Variants in COL25A1 observed in about 807,000 individuals in gnomAD.
The protein encoded by COL25A1 is collagen type XXV alpha 1 chain.
Under a neutral mutation model 128.4 loss-of-function variants are expected in COL25A1, and 103 were observed. The observed-to-expected ratio is 0.80, with a 90% CI of 0.68 to 0.94. The LOEUF is 0.94. COL25A1 is among the 40% of genes least tolerant of loss of function. COL25A1 has a pLI of 0.00. For synonymous variants in COL25A1, 279 were observed against 277.2 expected (o/e 1.01, Z -0.06); for missense variants, 745 against 840.0 (o/e 0.89, Z 1.40).
At chr4:109,023,897 G>A (rs12510004) in intron 5 of COL25A1, among the ~76,000 whole-genome samples, 76,187 of 152,076 alleles carry the variant, frequency 0.5, 21,795 homozygotes, top group African/African-American at 0.77. Flanking sequence ...CCTCTCAGAA[G>A]AGAGAGATTG....
chr4:109,163,392 C>T (rs1350922840), intron 3 of COL25A1, among the ~76,000 whole-genome samples: 1 of 152,136 alleles, frequency 6.6e-6, no homozygotes, highest in Non-Finnish European at 1.5e-5. Flanking sequence ...TTGCTGCAGC[C>T]ATGTAAAAAC....
At chr4:109,011,449 C>A (rs549976197) in intron 5 of COL25A1, among the ~76,000 whole-genome samples, 1 of 152,264 alleles carries the variant, frequency 6.6e-6, no homozygotes, top group Admixed American at 6.5e-5. Flanking sequence ...GGAAGGGGAG[C>A]CAAACCAAGT....
chr4:108,939,550 G>A (rs1747827963), intron 10 of COL25A1, among the ~76,000 whole-genome samples: 1 of 152,038 alleles, frequency 6.6e-6, no homozygotes, highest in Admixed American at 6.6e-5. Flanking sequence ...AAACATTAAT[G>A]AGTATTGTAA....
chr4:108,889,796 TCA>T, intron 16 of COL25A1, 63 bp from the exon 17 acceptor site: 1 of 1,449,916 alleles, frequency 6.9e-7, no homozygotes, highest in Non-Finnish European at 9.7e-7. Flanking sequence ...TCACAAGCAC[TCA>T]GAGAGCCATC....
chr4:108,829,268 C>T (rs1732767213), intron 32 of COL25A1, among the ~76,000 whole-genome samples: 1 of 152,016 alleles, frequency 6.6e-6, no homozygotes, highest in Non-Finnish European at 1.5e-5. Flanking sequence ...TTTAGGAGTT[C>T]AAGGCAGGAG....
chr4:109,212,949 T>C (rs1055530289), intron 3 of COL25A1, among the ~76,000 whole-genome samples: 8 of 152,092 alleles, frequency 5.3e-5, no homozygotes, highest in African/African-American at 1.4e-4. Flanking sequence ...ACCACATATA[T>C]AGGAGAAATA....
In COL25A1 at chr4:108,827,167, C is replaced by T; in HGVS notation, c.1732G>A (p.Glu578Lys). 6.2e-7 allele frequency: 1 copy of T among 1,613,940 alleles called. No individual in the cohort carries two copies. The highest frequency in any genetic ancestry group is 8.5e-7 in the Non-Finnish European group (1 of 1,179,932). ...CCATAGGGCCCTCTTGGTCCAGGCT[C>T]TCCCATAGCTCCTTTTTCACCCTAA... ...GERGEKGAMGEPGPRGPYGLP... is the reference protein window; with the variant it reads ...GERGEKGAMGKPGPRGPYGLP... Residue 578 changes from glutamate (E) to lysine (K), a missense_variant, in exon 33 of 38, where the codon GAG becomes AAG. Transcript: ENST00000399132.
At chr4:108,935,061 G>A (rs2125919718) in intron 11 of COL25A1, among the ~76,000 whole-genome samples, 1 of 152,260 alleles carries the variant, frequency 6.6e-6, no homozygotes, top group African/African-American at 2.4e-5. Context: ...AGGTCAGACG[G>A]ACATTCATTC....
chr4:109,288,715 T>G (rs1724133453), intron 3 of COL25A1, among the ~76,000 whole-genome samples: 1 of 152,198 alleles, frequency 6.6e-6, no homozygotes, highest in African/African-American at 2.4e-5. Context: ...AAACAAATTG[T>G]CAGTGTTACA....
chr4:109,065,393 G>A (rs1161325109), intron 3 of COL25A1, among the ~76,000 whole-genome samples: 2 of 152,084 alleles, frequency 1.3e-5, no homozygotes, highest in Non-Finnish European at 2.9e-5. Context: ...GGCCAGATCA[G>A]TTCTACATTC....
intron 3 of COL25A1, among the ~76,000 whole-genome samples, chr4:109,159,609 T>C (rs1349198483): frequency 6.6e-6 from 1 of 151,988 alleles, no homozygotes; most frequent in East Asian, 1.9e-4. Flanking sequence ...TGGTTCACAA[T>C]ACAGAATGAA....
At chr4:109,235,547 T>TACACACACACAC (rs58377954) in intron 3 of COL25A1, among the ~76,000 whole-genome samples, 18 of 149,928 alleles carry the variant, frequency 1.2e-4, no homozygotes, top group African/African-American at 4.4e-4. Flanking sequence ...CACACACGAA[T>TACACACACACAC]ACACACACAC....
In COL25A1 at chr4:109,100,404, C is replaced by A. The variant is rs571548886; in HGVS notation, c.368-50225G>T. Among the ~76,000 whole-genome samples the A allele has an allele frequency of 1.7e-4, 24 of 144,436 alleles. No homozygotes were observed. The South Asian group carries it at 5.0e-3, about 30-fold the overall frequency. 94.8% of individuals were successfully genotyped at this position (144,436 alleles called of 152,430 possible). A position where few individuals can be genotyped will look rare whatever the true frequency, so the allele number is the denominator to read the frequency against. On this transcript the variant is annotated intron_variant, in intron 3 of 37. Transcript: ENST00000399132. ...GTACAAAAACTAGATAAAATATAAG[C>A]CCATTTTTGTGAGAAAAAAAAAAAA... is the stretch of plus-strand genomic sequence containing the variant.
At position 109,137,984 on chromosome 4, in the gene COL25A1, A is replaced by ATGTGTGTGTGTG. The variant is rs10700157; in HGVS notation, c.368-87817_368-87806dup. Among the ~76,000 whole-genome samples, 747 of 142,578 alleles carry ATGTGTGTGTGTG rather than the reference A, an allele frequency of 5.2e-3. 33 individuals carry two copies. The South Asian group carries it at 0.087, about 17-fold the overall frequency. The allele number at this position is 142,578 out of a possible 152,430, so 93.5% of individuals were successfully genotyped here. Reference sequence around the variant, plus strand: ...AACAGAAATTTCATTTTATATATATATGTGTGTGTGTGTGTGTGTGTGTGT... The same window carrying ATGTGTGTGTGTG: ...AACAGAAATTTCATTTTATATATATATGTGTGTGTGTGTGTGTGTGTGTGTGTGTGTGTGTGT... On this transcript the variant is annotated intron_variant, in intron 3 of 37. Transcript: ENST00000399132.
chr4:108,982,241 T>G (rs751392452), intron 6 of COL25A1, among the ~76,000 whole-genome samples: 51 of 152,062 alleles, frequency 3.4e-4, no homozygotes, highest in Admixed American at 7.2e-4. Flanking sequence ...ACAATTGATT[T>G]CCTAAACCAA....
intron 3 of COL25A1, among the ~76,000 whole-genome samples, chr4:109,235,158 C>A (rs761889085): frequency 2.0e-5 from 3 of 151,926 alleles, no homozygotes; most frequent in Non-Finnish European, 4.4e-5. Flanking sequence ...AATTTTTGAC[C>A]CCACTCAGAG....
chr4:109,021,952 C>T (rs138153039), intron 5 of COL25A1, among the ~76,000 whole-genome samples: 4,953 of 152,236 alleles, frequency 0.033, 212 homozygotes, highest in African/African-American at 0.11. Flanking sequence ...TTCTGTTTAT[C>T]AAGACAATAC....
chr4:109,033,351 A>G lies in COL25A1; in HGVS notation c.420+14817T>C, dbSNP rs918750814. On this transcript the variant is annotated intron_variant, in intron 5 of 37. Coordinates refer to ENST00000399132, the MANE Select transcript of COL25A1 (RefSeq NM_198721.4). ...TTCACCAATGTCAGAAGGCAGGCACATAACAGTTCCGGGCTCCTTTAGCTT... is the reference window on the plus strand; with the variant it reads ...TTCACCAATGTCAGAAGGCAGGCACGTAACAGTTCCGGGCTCCTTTAGCTT... Among the ~76,000 whole-genome samples, 11 of 152,358 alleles carry G rather than the reference A, an allele frequency of 7.2e-5. No individual in the cohort carries two copies. In the East Asian group the frequency reaches 7.7e-4, roughly 11 times the overall value.
intron 6 of COL25A1, among the ~76,000 whole-genome samples, chr4:108,990,478 G>A (rs959654517): frequency 6.6e-6 from 1 of 151,632 alleles, no homozygotes; most frequent in Non-Finnish European, 1.5e-5. Context: ...TATTTACATA[G>A]AGGGTCTTAT....
Sources: allele counts gnomAD v4.1 joint callset (sites outside exome capture counted in the v4.1 genomes callset), GRCh38; gene constraint gnomAD v4.1.1; transcripts MANE v1.5; gene names NCBI Gene and HGNC (gene_info 2026-07-23, HGNC 2026-07-21).